Variants in DOCK10 observed in about 807,000 individuals in gnomAD.
DOCK10 encodes the protein dedicator of cytokinesis protein 10.
In DOCK10, 145 loss-of-function variants were observed where a neutral mutation model predicts 280.1. The observed-to-expected ratio is 0.52, with a 90% CI of 0.45 to 0.59. The LOEUF (loss-of-function observed/expected upper bound fraction) is 0.59, where lower values mean the gene tolerates loss of function less well. Ranked by LOEUF, DOCK10 falls within the 20% of genes least tolerant of loss-of-function variation. The pLI is 0.00. For synonymous variants in DOCK10, 915 were observed against 942.2 expected, an observed-to-expected ratio of 0.97 and a Z score of 0.53; for missense variants, 2,368 against 2,651.7, an observed-to-expected ratio of 0.89 and a Z score of 2.35.
intron 1 of DOCK10, among the ~76,000 whole-genome samples, chr2:224,969,113 T>C (rs1333856638): frequency 6.6e-6 from 1 of 152,226 alleles, no homozygotes; most frequent in Non-Finnish European, 1.5e-5. Flanking sequence ...GAAATTAGGC[T>C]CCTGGCTTTT....
At chr2:224,907,930 T>C (rs952233124) in intron 3 of DOCK10, among the ~76,000 whole-genome samples, 3 of 152,216 alleles carry the variant, frequency 2.0e-5, no homozygotes, top group African/African-American at 7.2e-5. Context: ...TTAAAGATAC[T>C]TGGAGAAAAA....
chr2:224,778,076 A>T, intron 51 of DOCK10, 62 bp downstream of exon 51: 1 of 1,494,824 alleles, frequency 6.7e-7, no homozygotes, highest in Non-Finnish European at 9.2e-7. Context: ...AACTTAATGT[A>T]GTTAAAGAAT....
At chr2:224,903,012 G>T (rs534824727) in intron 3 of DOCK10, among the ~76,000 whole-genome samples, 2 of 152,070 alleles carry the variant, frequency 1.3e-5, no homozygotes. Context: ...GCGGGAGAAC[G>T]GCGTGAACCC....
At chr2:224,916,862 G>C in intron 2 of DOCK10, 78 bp from the exon 3 acceptor site, 1 of 1,089,094 alleles carries the variant, frequency 9.2e-7, no homozygotes, top group Non-Finnish European at 1.4e-6. Flanking sequence ...ACACACAAAA[G>C]GGAAGTCTTT....
Position 224,959,890 on chromosome 2 carries a change from A to G in DOCK10, c.124-28222T>C, listed in dbSNP as rs978221059. Among the ~76,000 whole-genome samples the G allele has an allele frequency of 2.0e-5, 3 of 152,182 alleles. No homozygotes were observed. In the East Asian group the frequency reaches 5.8e-4, roughly 29 times the overall value. On this transcript the variant is annotated intron_variant, in intron 1 of 55. Coordinates refer to ENST00000258390, the MANE Select transcript of DOCK10 (RefSeq NM_014689.3). The stretch of plus-strand genomic sequence containing the variant: ...CATTGCCAAGACTGAGTCTTTGTAT[A>G]AAAGCCTGAGCTTTTCATCTGCTGG...
chr2:224,839,994 C>T lies in DOCK10; in HGVS notation c.2740G>A (p.Val914Ile). 2 of 1,560,988 alleles carry T rather than the reference C, an allele frequency of 1.3e-6. No individual in the cohort carries two copies. Among genetic ancestry groups the T allele is most frequent in the South Asian group, 1.2e-5 (1 of 84,686 alleles). ...GTTATTTCATCTTCCTCATTCTGTA[C>T]CAGAACTTTGAAGAGCTGATTCAAA... is the stretch of plus-strand genomic sequence containing the variant. Reference protein sequence around the residue: ...IILNQLFKVLVQNEEDEITTT... With the variant: ...IILNQLFKVLIQNEEDEITTT... Residue 914 changes from valine to isoleucine, a missense_variant, in exon 24 of 56, where the codon GTA (valine) becomes ATA (isoleucine). By Grantham distance (29) the Val-to-Ile change is conservative. This residue lies in a region of DOCK10 where 1,209 missense variants were observed against 1,250.9 expected (regional missense o/e 0.97). Coordinates refer to ENST00000258390, the MANE Select transcript of DOCK10 (RefSeq NM_014689.3).
chr2:224,841,799 GTTACC>G lies in DOCK10; in HGVS notation c.2661_2661+4del. The G allele has an allele frequency of 6.3e-7, 1 of 1,596,582 alleles. No individual in the cohort carries two copies. The highest frequency in any genetic ancestry group is 8.6e-7 in the Non-Finnish European group (1 of 1,164,244). On this transcript the variant is annotated splice_donor_variant and splice_donor_region_variant and coding_sequence_variant and intron_variant, in exon 23 of 56. Transcript: ENST00000258390. LOFTEE classifies it high-confidence loss of function. ...ATCACTGAAACTGCTTGCATGTCATGTTACCTTACAAGAGCGGATGAAATTTGAGG... is the reference window on the plus strand; with the variant it reads ...ATCACTGAAACTGCTTGCATGTCATGTTACAAGAGCGGATGAAATTTGAGG...
At chr2:224,951,617 A>T in intron 1 of DOCK10, among the ~76,000 whole-genome samples, 1 of 152,232 alleles carries the variant, frequency 6.6e-6, no homozygotes, top group African/African-American at 2.4e-5. Flanking sequence ...TTGCCACTGT[A>T]ACAAACTGCC....
intron 1 of DOCK10, among the ~76,000 whole-genome samples, chr2:224,974,791 C>CTCTATATATCATATATATTATATATATAA (rs1553626470): frequency 1.2e-5 from 1 of 82,222 alleles, no homozygotes; most frequent in Non-Finnish European, 3.4e-5. Context: ...AATGTTCTCT[C>CTCTATATATCATATATATTATATATATAA]TATATATATC....
chr2:224,772,243 T>A (rs142759370), intron 53 of DOCK10, among the ~76,000 whole-genome samples: 1 of 152,322 alleles, frequency 6.6e-6, no homozygotes, highest in African/African-American at 2.4e-5. Context: ...TAGGGTCCAA[T>A]ATAGCTGTGC....
intron 7 of DOCK10, 77 bp downstream of exon 7, chr2:224,885,594 G>T: frequency 7.1e-7 from 1 of 1,415,382 alleles, no homozygotes; most frequent in Non-Finnish European, 9.4e-7. Flanking sequence ...GCTCATATCA[G>T]ATACTCCATG....
intron 1 of DOCK10, among the ~76,000 whole-genome samples, chr2:225,015,420 T>A (rs900759541): frequency 6.6e-6 from 1 of 152,178 alleles, no homozygotes; most frequent in African/African-American, 2.4e-5. Flanking sequence ...CAGGACCAAG[T>A]TCATCTTTGG....
chr2:224,944,385 T>C (rs1005273577), intron 1 of DOCK10, among the ~76,000 whole-genome samples: 9 of 152,168 alleles, frequency 5.9e-5, no homozygotes, highest in African/African-American at 2.2e-4. Context: ...AATGGAAATA[T>C]TTTACTTAGT....
chr2:224,875,711 T>C (rs1261059970), intron 8 of DOCK10, among the ~76,000 whole-genome samples: 2 of 152,218 alleles, frequency 1.3e-5, no homozygotes, highest in Non-Finnish European at 2.9e-5. Flanking sequence ...TTAAATTTAA[T>C]GAAAGGCTAA....
intron 1 of DOCK10, among the ~76,000 whole-genome samples, chr2:224,939,324 T>C (rs115448790): frequency 0.01 from 1,529 of 152,340 alleles, 25 homozygotes; most frequent in African/African-American, 0.035. Flanking sequence ...GGATTTGTGA[T>C]GTAAGGTGCA....
intron 4 of DOCK10, among the ~76,000 whole-genome samples, chr2:224,886,890 C>G (rs1699324344): frequency 6.7e-6 from 1 of 150,186 alleles, no homozygotes. Context: ...CCCCCAACAC[C>G]CCCCCAAGTA....
intron 1 of DOCK10, among the ~76,000 whole-genome samples, chr2:224,961,484 C>CTTTCTTTCTTTCTTTCTTTCTT (rs1412409913): frequency 1.5e-5 from 1 of 67,204 alleles, no homozygotes; most frequent in East Asian, 3.9e-4. Flanking sequence ...TTCTTTCTTT[C>CTTTCTTTCTTTCTTTCTTTCTT]TCTTTCTTTC....
At chr2:224,799,073 G>T (rs1029908091) in intron 41 of DOCK10, among the ~76,000 whole-genome samples, 1 of 152,192 alleles carries the variant, frequency 6.6e-6, no homozygotes, top group Non-Finnish European at 1.5e-5. Context: ...GTTTAACACT[G>T]TCATACACCC....
At chr2:224,973,921 T>C (rs183885820) in intron 1 of DOCK10, among the ~76,000 whole-genome samples, 74 of 152,300 alleles carry the variant, frequency 4.9e-4, no homozygotes, top group Admixed American at 3.4e-3. Context: ...ATGTGGTTTC[T>C]GGGTACAGAG....
Sources: allele counts gnomAD v4.1 joint callset (sites outside exome capture counted in the v4.1 genomes callset), GRCh38; gene constraint gnomAD v4.1.1; regional missense constraint gnomAD v4.1.1; transcripts MANE v1.5; gene names NCBI Gene and HGNC (gene_info 2026-07-23, HGNC 2026-07-21).